Variants in ZNF618 observed in about 807,000 individuals in gnomAD.
ZNF618 encodes neural precursor cell expressed, developmentally down-regulated 10.
In ZNF618, 34 loss-of-function variants were observed where a neutral mutation model predicts 103.0. That is an observed-to-expected ratio of 0.33 (90% CI 0.25 to 0.44). The LOEUF (loss-of-function observed/expected upper bound fraction) is 0.44. Among genes scored for constraint, ZNF618 ranks in the 20% least tolerant of loss-of-function variants. The probability of loss-of-function intolerance (pLI) is 1.00; values close to 1 mark genes in which losing one functional copy is unlikely to be tolerated. For missense variants in ZNF618, 1,059 were observed against 1,295.4 expected, an observed-to-expected ratio of 0.82 and a Z score of 2.80; for synonymous variants, 551 against 542.2, an observed-to-expected ratio of 1.02 and a Z score of -0.23.
At chr9:113,998,967 C>G (rs1269865509) in intron 4 of ZNF618, among the ~76,000 whole-genome samples, 1 of 152,256 alleles carries the variant, frequency 6.6e-6, no homozygotes, top group Non-Finnish European at 1.5e-5. Context: ...ACCCGTTCCC[C>G]TGAGGGGTGT....
intron 1 of ZNF618, among the ~76,000 whole-genome samples, chr9:113,924,095 G>C (rs1244875547): frequency 1.3e-5 from 2 of 151,986 alleles, no homozygotes; most frequent in Non-Finnish European, 2.9e-5. Flanking sequence ...GTAGAGAATT[G>C]GTATCATTTT....
intron 1 of ZNF618, 45 bp downstream of exon 1, chr9:113,876,458 G>A (rs1305755886): frequency 8.5e-7 from 1 of 1,182,482 alleles, no homozygotes; most frequent in Non-Finnish European, 1.1e-6. Flanking sequence ...GGGACCCCGG[G>A]GGGCCGGGGC....
chr9:114,011,914 G>A (rs555090319), intron 9 of ZNF618, among the ~76,000 whole-genome samples: 3 of 152,060 alleles, frequency 2.0e-5, no homozygotes. Flanking sequence ...GGCAGAGGGA[G>A]AATCAAGGAA....
intron 1 of ZNF618, among the ~76,000 whole-genome samples, chr9:113,963,820 G>A (rs951479630): frequency 2.0e-5 from 3 of 152,206 alleles, no homozygotes; most frequent in African/African-American, 7.2e-5. Context: ...TGGTGACATG[G>A]TCATGTGTGG....
intron 2 of ZNF618, among the ~76,000 whole-genome samples, chr9:113,984,961 T>C (rs1269360469): frequency 1.3e-5 from 2 of 152,070 alleles, no homozygotes; most frequent in Non-Finnish European, 2.9e-5. Flanking sequence ...TTGGTCTAAC[T>C]CCACAGCCCA....
intron 1 of ZNF618, among the ~76,000 whole-genome samples, chr9:113,886,247 A>G (rs1829059951): frequency 6.6e-6 from 1 of 152,218 alleles, no homozygotes; most frequent in Non-Finnish European, 1.5e-5. Context: ...CTGAGGAGCT[A>G]GCCATTCTTA....
chr9:114,022,414 AT>A, intron 10 of ZNF618, among the ~76,000 whole-genome samples: 1 of 152,042 alleles, frequency 6.6e-6, no homozygotes, highest in Non-Finnish European at 1.5e-5. Context: ...AGGAAGGATT[AT>A]TTAGAAATAT....
intron 10 of ZNF618, among the ~76,000 whole-genome samples, chr9:114,024,849 C>A (rs1484079042): frequency 6.6e-6 from 1 of 151,926 alleles, no homozygotes; most frequent in African/African-American, 2.4e-5. Flanking sequence ...TTCTGGAGTT[C>A]TTTTTGTTGC....
chr9:114,041,583 G>T (rs13298937), intron 13 of ZNF618, among the ~76,000 whole-genome samples: 43,130 of 152,050 alleles, frequency 0.28, 7,922 homozygotes, highest in East Asian at 0.62. Flanking sequence ...TATTAAATAG[G>T]GAATCCTTTC....
At chr9:113,898,240 T>C (rs1830208844) in intron 1 of ZNF618, among the ~76,000 whole-genome samples, 1 of 152,198 alleles carries the variant, frequency 6.6e-6, no homozygotes, top group African/African-American at 2.4e-5. Context: ...AGAGTAACAC[T>C]GTGCTCTGTA....
intron 10 of ZNF618, chr9:114,017,001 G>T: frequency 1.8e-6 from 1 of 560,704 alleles, no homozygotes; most frequent in Non-Finnish European, 3.2e-6. Flanking sequence ...CAGAGTCCGA[G>T]CCCTCCCTTA....
chr9:113,876,399 G>C lies in ZNF618; in HGVS notation c.19G>C (p.Ala7Pro). The change falls in exon 1 of 15, where the codon GCG becomes CCG. Residue 7 changes from alanine (A) to proline (P), a missense_variant. Ala to Pro is a conservative substitution (Grantham distance 27, BLOSUM62 -1). Around this residue, in one of 6 missense-constraint regions of ZNF618, gnomAD observed 194 missense variants for 209.0 expected, o/e 0.93. Coordinates refer to ENST00000374126, the MANE Select transcript of ZNF618 (RefSeq NM_001318042.2). Reference protein sequence around the residue: MNQPGGAAAPQADGASA... With the variant: MNQPGGPAAPQADGASA... ...CGGACCCATGAACCAGCCGGGCGGC[G>C]CGGCGGCTCCGCAGGTACGACGGGG... is the stretch of plus-strand genomic sequence containing the variant. 2.5e-6 allele frequency: 3 copies of C among 1,200,522 alleles called. No individual in the cohort carries two copies. Among genetic ancestry groups the C allele is most frequent in the East Asian group, 3.4e-5 (1 of 29,004 alleles). The allele number at this position is 1,200,522 out of a possible 1,614,324, so 74.4% of individuals were successfully genotyped here. A position where few individuals can be genotyped will look rare whatever the true frequency, so the allele number is the denominator to read the frequency against.
At chr9:114,007,302 A>C (rs1469705039) in intron 6 of ZNF618, 48 bp from the exon 7 acceptor site, 2 of 1,575,268 alleles carry the variant, frequency 1.3e-6, no homozygotes, top group East Asian at 4.5e-5. Flanking sequence ...ACCCCACCCC[A>C]CAAGACTGAA....
chr9:113,947,015 G>A (rs1588119774), intron 1 of ZNF618, among the ~76,000 whole-genome samples: 1 of 152,156 alleles, frequency 6.6e-6, no homozygotes, highest in African/African-American at 2.4e-5. Context: ...TTTTGGGGAC[G>A]ACACAGACAG....
chr9:113,997,121 T>A, intron 3 of ZNF618, among the ~76,000 whole-genome samples: 1 of 152,090 alleles, frequency 6.6e-6, no homozygotes. Flanking sequence ...TTCTTTCTTT[T>A]TTTTGAGATA....
intron 2 of ZNF618, among the ~76,000 whole-genome samples, chr9:113,987,654 G>C (rs1051928691): frequency 6.6e-6 from 1 of 152,222 alleles, no homozygotes; most frequent in Non-Finnish European, 1.5e-5. Flanking sequence ...AGCGTAGTTT[G>C]AGGCCCAGCA....
At chr9:113,939,567 G>T (rs1015660613) in intron 1 of ZNF618, among the ~76,000 whole-genome samples, 2 of 151,810 alleles carry the variant, frequency 1.3e-5, no homozygotes, top group South Asian at 4.2e-4. Context: ...GATATAATTC[G>T]CTTATTGAAA....
rs1453420226 is a variant in ZNF618 at position 114,052,849 on chromosome 9, T to C, written c.*2682T>C. 6.6e-6 allele frequency: 1 copy of C among 152,244 alleles called. No individual in the cohort carries two copies. The highest frequency in any genetic ancestry group is 2.4e-5 in the African/African-American group (1 of 41,470). The allele number at this position is 152,244 out of a possible 1,614,324, so 9.4% of individuals were successfully genotyped here. On this transcript the variant is annotated 3_prime_UTR_variant, in exon 15 of 15. Transcript: ENST00000374126. ...GCATTTAGAGCACTCAGCATTCTTCTCTTTGAAGCATGGGATGTCTGTCCT... is the reference window on the plus strand; with the variant it reads ...GCATTTAGAGCACTCAGCATTCTTCCCTTTGAAGCATGGGATGTCTGTCCT...
At chr9:113,903,200 G>A (rs1439616143) in intron 1 of ZNF618, among the ~76,000 whole-genome samples, 6 of 152,148 alleles carry the variant, frequency 3.9e-5, no homozygotes, top group South Asian at 4.1e-4. Flanking sequence ...ATGCATGAGC[G>A]AATACATGTT....
Sources: gnomAD v4.1 joint callset for allele counts (sites outside exome capture counted in the v4.1 genomes callset) on GRCh38, gnomAD v4.1.1 for gene constraint, gnomAD v4.1.1 regional missense constraint, MANE v1.5 for transcripts, NCBI Gene and HGNC (gene_info 2026-07-23, HGNC 2026-07-21) for gene names.